ECPAS: variants seen among roughly 807,000 people sequenced by gnomAD.
The protein encoded by ECPAS is Ecm29 proteasome adaptor and scaffold.
In ECPAS, 70 loss-of-function variants were observed where a neutral mutation model predicts 255.1. That is an observed-to-expected ratio of 0.27 (90% CI 0.23 to 0.33). The LOEUF is 0.33. Ranked by LOEUF, ECPAS falls within the 10% of genes least tolerant of loss-of-function variation. ECPAS has a pLI of 1.00. For synonymous variants in ECPAS, 784 were observed against 775.0 expected (o/e 1.01, Z -0.19); for missense variants, 1,817 against 2,206.4 (o/e 0.82, Z 3.54).
In ECPAS at chr9:111,384,559, C is replaced by T. The variant is rs1277537146; in HGVS notation, c.3644G>A (p.Arg1215Gln). Residue 1215 changes from arginine to glutamine, a missense_variant, in exon 34 of 50, where the codon CGA becomes CAA. By Grantham distance (43) the Arg-to-Gln change is conservative. Transcript: ENST00000684092. ...RVQDDIKESV[R>Q]KAAELALKTL... ...TTTCAGAGCTAGTTCTGCCGCTTTT[C>T]GTACAGATTCCTAAAAATGACAAAA... is the stretch of plus-strand genomic sequence containing the variant. 9 of 1,613,726 alleles carry T rather than the reference C, an allele frequency of 5.6e-6. No individual in the cohort carries two copies. Among genetic ancestry groups the T allele is most frequent in the South Asian group, 4.4e-5 (4 of 91,074 alleles).
chr9:111,430,194 C>T (rs7043173), intron 9 of ECPAS, among the ~76,000 whole-genome samples: 43,491 of 152,096 alleles, frequency 0.29, 7,575 homozygotes, highest in Non-Finnish European at 0.4. Flanking sequence ...CGGCACACAA[C>T]CATGCTCATT....
intron 34 of ECPAS, among the ~76,000 whole-genome samples, 166 bp downstream of exon 34, chr9:111,384,356 G>A (rs1348725119): frequency 6.6e-6 from 1 of 152,214 alleles, no homozygotes; most frequent in Non-Finnish European, 1.5e-5. Context: ...TAGTACTGCA[G>A]TGTTTACAGC....
intron 36 of ECPAS, among the ~76,000 whole-genome samples, chr9:111,377,306 A>T (rs948180432): frequency 2.0e-5 from 3 of 152,176 alleles, no homozygotes; most frequent in Admixed American, 6.5e-5. Flanking sequence ...TATATAAATT[A>T]AAAAAACAGT....
intron 9 of ECPAS, 104 bp downstream of exon 9, chr9:111,430,443 C>A: frequency 1.3e-6 from 1 of 755,180 alleles, no homozygotes; most frequent in South Asian, 1.5e-5. Flanking sequence ...TTTGTTATAG[C>A]ACAGATTCAG....
intron 3 of ECPAS, among the ~76,000 whole-genome samples, chr9:111,449,658 G>A (rs1564553507): frequency 6.6e-6 from 1 of 152,152 alleles, no homozygotes; most frequent in East Asian, 1.9e-4. Flanking sequence ...AACTACTGAC[G>A]ATACTAAGCC....
chr9:111,415,248 T>A (rs539430186), intron 18 of ECPAS, among the ~76,000 whole-genome samples: 1 of 132,538 alleles, frequency 7.5e-6, no homozygotes, highest in East Asian at 2.2e-4. Context: ...TGTGTGTGTG[T>A]GTGTGAGAGA....
chr9:111,398,145 A>G (rs981193823), intron 24 of ECPAS, among the ~76,000 whole-genome samples: 3 of 152,222 alleles, frequency 2.0e-5, no homozygotes, highest in Admixed American at 6.5e-5. Flanking sequence ...AGACTTTCCT[A>G]CGCCAATCAA....
chr9:111,430,752 G>T, intron 8 of ECPAS, 124 bp from the exon 9 acceptor site: 1 of 682,548 alleles, frequency 1.5e-6, no homozygotes, highest in Non-Finnish European at 2.6e-6. Flanking sequence ...AATGAAATGG[G>T]CAATTGACAT....
chr9:111,374,358 A>T (rs909719696), intron 38 of ECPAS, among the ~76,000 whole-genome samples: 1 of 152,202 alleles, frequency 6.6e-6, no homozygotes, highest in Non-Finnish European at 1.5e-5. Context: ...AAATATCTTC[A>T]GGTGTGCCTG....
At chr9:111,390,607 G>GGA (rs1411782354) in intron 29 of ECPAS, among the ~76,000 whole-genome samples, 1 of 152,170 alleles carries the variant, frequency 6.6e-6, no homozygotes, top group Non-Finnish European at 1.5e-5. Context: ...GAGTCTACAA[G>GGA]GAGAGTTAAG....
chr9:111,393,943 A>T lies in ECPAS; in HGVS notation c.2923-209T>A, dbSNP rs574568510. On this transcript the variant is annotated intron_variant, in intron 26 of 49. Transcript: ENST00000684092. ...CACATGCAAGCTGACCACTGCCCCA[A>T]CTGAGCCTTCCTATCTCAAGCACTT... Among the ~76,000 whole-genome samples, 4 of 152,326 alleles carry T rather than the reference A, an allele frequency of 2.6e-5. No homozygotes were observed. The South Asian group carries it at 8.3e-4, about 32-fold the overall frequency.
Position 111,417,754 on chromosome 9 carries a change from A to AG in ECPAS, c.1683+128_1683+129insC, listed in dbSNP as rs2098206360. ...AGAGCGAAGCTCCATCTCAAAAAAA[A>AG]AAAAGAAAAGAAAAGAAAAAGAAAT... On this transcript the variant is annotated intron_variant, in intron 17 of 49. Coordinates refer to ENST00000684092, the MANE Select transcript of ECPAS (RefSeq NM_001364929.1). 9 of 1,004,686 alleles carry AG rather than the reference A, an allele frequency of 9.0e-6. No individual in the cohort carries two copies. In the Middle Eastern group the frequency reaches 9.1e-4, roughly 101 times the overall value. The allele number at this position is 1,004,686 out of a possible 1,614,324, so 62.2% of individuals were successfully genotyped here. A position where few individuals can be genotyped will look rare whatever the true frequency, so the allele number is the denominator to read the frequency against.
intron 1 of ECPAS, 113 bp downstream of exon 1, chr9:111,484,003 C>T: frequency 9.9e-7 from 1 of 1,010,212 alleles, no homozygotes; most frequent in Non-Finnish European, 1.2e-6. Flanking sequence ...GCCCGCCCCG[C>T]GTGCGCTCCC....
chr9:111,362,400 G>A (rs2098114681), intron 49 of ECPAS, among the ~76,000 whole-genome samples: 1 of 152,030 alleles, frequency 6.6e-6, no homozygotes, highest in South Asian at 2.1e-4. Flanking sequence ...ACATCAGGGA[G>A]TTTCCTCTCC....
chr9:111,433,238 T>C lies in ECPAS; in HGVS notation c.843A>G (p.Lys281=), dbSNP rs749648865. The C allele has an allele frequency of 1.9e-6, 3 of 1,613,732 alleles. No homozygotes were observed. The highest frequency in any genetic ancestry group is 2.2e-5 in the East Asian group (1 of 44,892). The part of the protein sequence containing the change: ...ATAADLELKS[K]QSLIDWNNPA... ...GTTTACAGGGAAGTAGTTACCTCTG[T>C]TTGCTTTTCAATTCCAGGTCTGCTG... Residue 281 remains lysine (K), a synonymous_variant, in exon 8 of 50, where the codon AAA becomes AAG. Coordinates refer to ENST00000684092, the MANE Select transcript of ECPAS (RefSeq NM_001364929.1).
intron 1 of ECPAS, among the ~76,000 whole-genome samples, chr9:111,478,758 C>G (rs2098299798): frequency 6.6e-6 from 1 of 152,322 alleles, no homozygotes; most frequent in Admixed American, 6.5e-5. Flanking sequence ...CTGGGAATCA[C>G]ATATGATATT....
Position 111,378,709 on chromosome 9 carries a change from G to T in ECPAS, c.3825C>A (p.Ile1275=). ...TCAACATGGCTCCTGCACTTTTGCT[G>T]ATCTTCACAAGGGTGTTAATGCTAC... ...RALSINTLVK[I]SKSAGAMLKP... Residue 1275 remains isoleucine (I), a synonymous_variant, in exon 36 of 50, where the codon ATC becomes ATA. Transcript: ENST00000684092. 1 of 1,613,398 alleles carries T rather than the reference G, an allele frequency of 6.2e-7. No individual in the cohort carries two copies. The highest frequency in any genetic ancestry group is 8.5e-7 in the Non-Finnish European group (1 of 1,179,488).
intron 44 of ECPAS, 31 bp from the exon 45 acceptor site, chr9:111,370,658 T>G (rs1318449746): frequency 6.2e-7 from 1 of 1,607,016 alleles, no homozygotes; most frequent in Non-Finnish European, 8.5e-7. Flanking sequence ...CATCAGAAGT[T>G]AATAAAGGCT....
intron 5 of ECPAS, among the ~76,000 whole-genome samples, chr9:111,441,931 C>T (rs1057377811): frequency 8.5e-5 from 13 of 152,282 alleles, no homozygotes; most frequent in Middle Eastern, 3.4e-3. Context: ...ATAATACAAA[C>T]GAGTGCTCTG....
Sources: allele counts gnomAD v4.1 joint callset (sites outside exome capture counted in the v4.1 genomes callset), GRCh38; gene constraint gnomAD v4.1.1; transcripts MANE v1.5; gene names NCBI Gene and HGNC (gene_info 2026-07-23, HGNC 2026-07-21).